The following MGST1 variants were observed in gnomAD, a reference collection of about 807,000 sequenced individuals.
MGST1 encodes glutathione S-transferase 12.
MGST1 carries 5 observed loss-of-function variants against 8.9 expected under a neutral mutation model. The ratio of observed to expected loss-of-function variants is 0.56; its 90% CI spans 0.29 to 1.19. The LOEUF (loss-of-function observed/expected upper bound fraction) is 1.19. Among genes scored for constraint, MGST1 ranks in the 50% most tolerant of loss-of-function variants. The pLI is 0.08. For missense variants in MGST1, 182 were observed against 187.4 expected (o/e 0.97, Z 0.17); for synonymous variants, 54 against 67.8 (o/e 0.80, Z 1.00).
chr12:16,472,957 C>T (rs956666606), intron 4 of MGST1, among the ~76,000 whole-genome samples: 1 of 152,192 alleles, frequency 6.6e-6, no homozygotes, highest in African/African-American at 2.4e-5. Flanking sequence ...GTAGGCTAGC[C>T]TTTCCATGAA....
In MGST1 at chr12:16,408,030, C is replaced by CAAAAA. The variant is rs200073692; in HGVS notation, n.778+24450_778+24454dup. ...CTGGCAACAGAGCAAGACTCTGTCT[C>CAAAAA]AAAAAAAAAAAAAAAAAAAAAAAAA... On this transcript the variant is annotated intron_variant and non_coding_transcript_variant, in intron 1 of 1. Transcript: ENST00000359720. Among the ~76,000 whole-genome samples, 18 of 44,086 alleles carry CAAAAA rather than the reference C, an allele frequency of 4.1e-4. 1 individual carries two copies. Among genetic ancestry groups the CAAAAA allele is most frequent in the East Asian group, 1.4e-3 (3 of 2,082 alleles). 28.9% of individuals were successfully genotyped at this position (44,086 alleles called of 152,430 possible).
intron 1 of MGST1, among the ~76,000 whole-genome samples, chr12:16,387,676 A>G (rs7298807): frequency 0.44 from 66,293 of 151,388 alleles, 14,992 homozygotes; most frequent in African/African-American, 0.55. Flanking sequence ...ACAGGCGCCC[A>G]CCACCACGCC....
intron 1 of MGST1, chr12:16,399,933 AG>A (rs1940640068): frequency 7.7e-7 from 1 of 1,295,262 alleles, no homozygotes; most frequent in South Asian, 1.2e-5. Flanking sequence ...TCACCACAAA[AG>A]GTGGCCATTC....
intron 1 of MGST1, among the ~76,000 whole-genome samples, chr12:16,417,357 C>G (rs1053719432): frequency 6.6e-6 from 1 of 152,144 alleles, no homozygotes; most frequent in Non-Finnish European, 1.5e-5. Flanking sequence ...CCTCCATGAT[C>G]TAATCACCTC....
chr12:16,480,827 T>G (rs1035035701), intron 4 of MGST1, among the ~76,000 whole-genome samples: 10 of 152,104 alleles, frequency 6.6e-5, no homozygotes, highest in African/African-American at 2.2e-4. Flanking sequence ...TCCCAGTGCT[T>G]TGGGAGGCCC....
intron 4 of MGST1, among the ~76,000 whole-genome samples, chr12:16,449,240 A>G (rs1941109045): frequency 6.6e-6 from 1 of 151,942 alleles, no homozygotes; most frequent in African/African-American, 2.4e-5. Flanking sequence ...TCATGGCAGA[A>G]GGTAAACGGG....
At chr12:16,591,000 T>G (rs1943479516), downstream of MGST1, among the ~76,000 whole-genome samples, 1 of 152,070 alleles carries the variant, frequency 6.6e-6, no homozygotes, top group Non-Finnish European at 1.5e-5. Flanking sequence ...GCAGATGAAT[T>G]CTATAATCCC....
At chr12:16,558,681 G>A (rs1329996417) in intron 4 of MGST1, among the ~76,000 whole-genome samples, 1 of 152,066 alleles carries the variant, frequency 6.6e-6, no homozygotes, top group Non-Finnish European at 1.5e-5. Context: ...TTACATGACT[G>A]TCTGGGTAAC....
intron 4 of MGST1, among the ~76,000 whole-genome samples, chr12:16,461,116 A>C (rs1386744019): frequency 6.6e-6 from 1 of 151,966 alleles, no homozygotes; most frequent in Non-Finnish European, 1.5e-5. Flanking sequence ...CTTTGGAGAC[A>C]ACTAAGTTAA....
chr12:16,367,114 T>C (rs1470139902), downstream of MGST1, among the ~76,000 whole-genome samples: 1 of 152,192 alleles, frequency 6.6e-6, no homozygotes. Context: ...ATTTTTGAAA[T>C]ATTCTGTGAC....
chr12:16,451,080 G>A (rs1314383311), intron 4 of MGST1, among the ~76,000 whole-genome samples: 1 of 151,938 alleles, frequency 6.6e-6, no homozygotes, highest in African/African-American at 2.4e-5. Context: ...TCTGTAATTT[G>A]TAAGCAGTCA....
At chr12:16,353,047 A>T (rs2975151) in intron 1 of MGST1, among the ~76,000 whole-genome samples, 6 of 151,094 alleles carry the variant, frequency 4.0e-5, no homozygotes, top group Admixed American at 6.6e-5. Flanking sequence ...TTTTTTTTGG[A>T]GGGGGAGACA....
At chr12:16,412,844 A>G (rs931246154) in intron 1 of MGST1, among the ~76,000 whole-genome samples, 4 of 152,192 alleles carry the variant, frequency 2.6e-5, no homozygotes, top group African/African-American at 7.2e-5. Context: ...GTATGTCTTT[A>G]TTAGCAGGGT....
chr12:16,532,892 T>A, intron 4 of MGST1, among the ~76,000 whole-genome samples: 1 of 152,142 alleles, frequency 6.6e-6, no homozygotes, highest in East Asian at 1.9e-4. Context: ...ACCAAACTTA[T>A]GTAATAACAT....
At chr12:16,423,546 C>A (rs1940860782) in intron 1 of MGST1, among the ~76,000 whole-genome samples, 1 of 16,102 alleles carries the variant, frequency 6.2e-5, no homozygotes, top group Non-Finnish European at 1.3e-4. Flanking sequence ...TTGTCCCTAA[C>A]CTATGTACAA....
At chr12:16,460,120 G>A (rs1941207480) in intron 4 of MGST1, among the ~76,000 whole-genome samples, 1 of 152,126 alleles carries the variant, frequency 6.6e-6, no homozygotes. Context: ...TTAGTATAGT[G>A]CCTGGCACAG....
chr12:16,441,761 T>A (rs1481394632), downstream of MGST1, among the ~76,000 whole-genome samples: 2 of 151,864 alleles, frequency 1.3e-5, no homozygotes, highest in African/African-American at 4.8e-5. Flanking sequence ...TTTGGTTGAT[T>A]CCAAGTTCTG....
chr12:16,433,292 T>C (rs1174163119), intron 1 of MGST1, among the ~76,000 whole-genome samples: 1 of 152,022 alleles, frequency 6.6e-6, no homozygotes, highest in Non-Finnish European at 1.5e-5. Context: ...GGGTCTCCCT[T>C]TCCCAGTCCA....
chr12:16,357,404 C>T (rs1939767091), intron 2 of MGST1: 1 of 477,770 alleles, frequency 2.1e-6, no homozygotes, highest in Non-Finnish European at 3.7e-6. Flanking sequence ...GGACCACAGG[C>T]ATGCATGTGG....
Sources: allele counts gnomAD v4.1 joint callset (sites outside exome capture counted in the v4.1 genomes callset), GRCh38; gene constraint gnomAD v4.1.1; transcripts MANE v1.5; gene names NCBI Gene and HGNC (gene_info 2026-07-23, HGNC 2026-07-21).